The following ARFIP1 variants were observed in gnomAD, a reference collection of about 807,000 sequenced individuals.
ARFIP1 encodes arfaptin-1.
Under a neutral mutation model 42.5 loss-of-function variants are expected in ARFIP1, and 24 were observed. That is an observed-to-expected ratio of 0.57 (90% CI 0.41 to 0.80). ARFIP1 has a LOEUF of 0.80. ARFIP1 is among the 30% of genes least tolerant of loss of function. ARFIP1 has a pLI of 0.00. For missense variants in ARFIP1, 354 were observed against 434.0 expected, an observed-to-expected ratio of 0.82 and a Z score of 1.64; for synonymous variants, 141 against 153.7, an observed-to-expected ratio of 0.92 and a Z score of 0.61.
At chr4:152,824,195 C>G (rs1730629000) in intron 1 of ARFIP1, among the ~76,000 whole-genome samples, 1 of 151,804 alleles carries the variant, frequency 6.6e-6, no homozygotes, top group Admixed American at 6.6e-5. Flanking sequence ...GGCCTGTAAT[C>G]CCAGCTACTC....
chr4:152,821,389 A>G (rs951803354), intron 1 of ARFIP1, among the ~76,000 whole-genome samples: 2 of 152,240 alleles, frequency 1.3e-5, no homozygotes, highest in Non-Finnish European at 2.9e-5. Flanking sequence ...AGTAGGAAAA[A>G]GAATTTCAGA....
intron 8 of ARFIP1, among the ~76,000 whole-genome samples, chr4:152,898,410 T>C (rs1441327182): frequency 2.6e-5 from 4 of 152,212 alleles, no homozygotes; most frequent in South Asian, 2.1e-4. Context: ...ATAACTTTTT[T>C]CCTCATTCCT....
chr4:152,845,426 A>G (rs1159321347), intron 2 of ARFIP1, among the ~76,000 whole-genome samples: 1 of 152,202 alleles, frequency 6.6e-6, no homozygotes, highest in Non-Finnish European at 1.5e-5. Flanking sequence ...AGCCTACAGA[A>G]TGGGAGAAAA....
intron 2 of ARFIP1, among the ~76,000 whole-genome samples, chr4:152,833,368 T>G (rs886825679): frequency 1.3e-5 from 2 of 152,132 alleles, no homozygotes; most frequent in Admixed American, 1.3e-4. Context: ...GGATGACTAT[T>G]ATCAAAAAGT....
At chr4:152,801,109 A>G (rs1248010391) in intron 1 of ARFIP1, among the ~76,000 whole-genome samples, 1 of 152,190 alleles carries the variant, frequency 6.6e-6, no homozygotes, top group African/African-American at 2.4e-5. Context: ...TTGTAGACAC[A>G]TCGGGGAGGG....
At chr4:152,785,651 T>A (rs372819115) in intron 1 of ARFIP1, among the ~76,000 whole-genome samples, 1 of 152,052 alleles carries the variant, frequency 6.6e-6, no homozygotes, top group Admixed American at 6.6e-5. Flanking sequence ...AAGCAGAAAA[T>A]GGAAAGGATG....
At chr4:152,807,044 GC>G (rs1305065513) in intron 1 of ARFIP1, among the ~76,000 whole-genome samples, 1 of 152,010 alleles carries the variant, frequency 6.6e-6, no homozygotes, top group Admixed American at 6.6e-5. Context: ...TCGCTATGTT[GC>G]CCAGTTTGGT....
intron 1 of ARFIP1, among the ~76,000 whole-genome samples, chr4:152,815,643 T>A (rs1242833010): frequency 6.6e-6 from 1 of 152,140 alleles, no homozygotes; most frequent in Non-Finnish European, 1.5e-5. Context: ...CTCTTGAGAG[T>A]TATCCCTGAC....
At chr4:152,864,244 A>G (rs1222849105) in intron 3 of ARFIP1, among the ~76,000 whole-genome samples, 1 of 152,180 alleles carries the variant, frequency 6.6e-6, no homozygotes, top group Non-Finnish European at 1.5e-5. Context: ...ATATAGTGGT[A>G]TCTTATGATT....
rs553978140 is a variant in ARFIP1, at chr4:152,827,401, C to T, written c.-9-2224C>T. Among the ~76,000 whole-genome samples the T allele has an allele frequency of 1.1e-3, 171 of 152,166 alleles. 3 individuals are homozygous for T. The South Asian group carries it at 0.034, about 30-fold the overall frequency. On this transcript the variant is annotated intron_variant, in intron 1 of 8. Coordinates refer to ENST00000353617, the MANE Select transcript of ARFIP1 (RefSeq NM_001025595.3). ...TGGTACATTCGTTAAAATTGATGAC[C>T]CTACATTGACACATCATCACCCCAA...
rs186598153 is a variant in ARFIP1, at chr4:152,786,817, A to G, written c.-10+6591A>G. ...TGGCCTTCTTTAGTCCTTTGTATGC[A>G]CCTTGCTCCCTGCCATTTTTGCAAG... On this transcript the variant is annotated intron_variant, in intron 1 of 8. Coordinates refer to ENST00000353617, the MANE Select transcript of ARFIP1 (RefSeq NM_001025595.3). 2.0e-5 allele frequency among the ~76,000 whole-genome samples: 3 copies of G among 152,156 alleles called. No individual in the cohort carries two copies. The East Asian group carries it at 5.8e-4, about 29-fold the overall frequency.
chr4:152,796,831 G>C, intron 1 of ARFIP1: 1 of 581,308 alleles, frequency 1.7e-6, no homozygotes, highest in East Asian at 3.1e-5. Context: ...TCATTCTGTG[G>C]CACAGTGACG....
intron 1 of ARFIP1, among the ~76,000 whole-genome samples, chr4:152,806,082 A>G (rs972615251): frequency 1.4e-4 from 21 of 152,262 alleles, no homozygotes; most frequent in African/African-American, 5.1e-4. Context: ...AAGATCTAAA[A>G]TGAGGAACAG....
chr4:152,898,877 A>G (rs916881067), intron 8 of ARFIP1, among the ~76,000 whole-genome samples: 11 of 152,320 alleles, frequency 7.2e-5, no homozygotes, highest in East Asian at 3.9e-4. Context: ...ACAGCATACT[A>G]TTACTACTTA....
At chr4:152,876,310 A>T (rs1735325839) in intron 5 of ARFIP1, among the ~76,000 whole-genome samples, 1 of 152,210 alleles carries the variant, frequency 6.6e-6, no homozygotes, top group Non-Finnish European at 1.5e-5. Context: ...TGGACAATAA[A>T]ATCCAGGCTG....
chr4:152,901,527 C>T (rs563028268), intron 8 of ARFIP1, among the ~76,000 whole-genome samples: 30 of 152,230 alleles, frequency 2.0e-4, no homozygotes, highest in African/African-American at 7.0e-4. Context: ...CAGATGTTTA[C>T]GAAAGTTCTT....
intron 1 of ARFIP1, among the ~76,000 whole-genome samples, chr4:152,789,680 T>C (rs1242862926): frequency 6.6e-6 from 1 of 152,196 alleles, no homozygotes; most frequent in East Asian, 1.9e-4. Context: ...GTCTGACTCA[T>C]GGATATTTAT....
chr4:152,888,337 G>C (rs1407822007), intron 8 of ARFIP1, 30 bp downstream of exon 8: 1 of 1,497,148 alleles, frequency 6.7e-7, no homozygotes, highest in Non-Finnish European at 9.0e-7. Context: ...AGGTCTTTCT[G>C]TGGACTTTGA....
intron 3 of ARFIP1, among the ~76,000 whole-genome samples, chr4:152,866,022 C>CGCA (rs1399328035): frequency 6.6e-6 from 1 of 152,012 alleles, no homozygotes; most frequent in African/African-American, 2.4e-5. Flanking sequence ...TGCGGCCTTC[C>CGCA]GCAGTGTTTG....
Sources: gnomAD v4.1 joint callset for allele counts (sites outside exome capture counted in the v4.1 genomes callset) on GRCh38, gnomAD v4.1.1 for gene constraint, MANE v1.5 for transcripts, NCBI Gene and HGNC (gene_info 2026-07-23, HGNC 2026-07-21) for gene names.